Variants in WDR88 observed in about 807,000 individuals in gnomAD.
The protein encoded by WDR88 is WD repeat domain 88.
WDR88 carries 40 observed loss-of-function variants against 46.8 expected under a neutral mutation model. The observed-to-expected ratio is 0.86, with a 90% CI of 0.66 to 1.11. The LOEUF (loss-of-function observed/expected upper bound fraction) is 1.11, where lower values mean the gene tolerates loss of function less well. WDR88 is among the 50% of genes most tolerant of loss of function. WDR88 has a pLI of 0.00. For missense variants in WDR88, 562 were observed against 602.4 expected (o/e 0.93, Z 0.70); for synonymous variants, 235 against 240.7 (o/e 0.98, Z 0.22).
intron 2 of WDR88, among the ~76,000 whole-genome samples, chr19:33,141,724 A>G (rs2145370155): frequency 6.6e-6 from 1 of 152,290 alleles, no homozygotes; most frequent in South Asian, 2.1e-4. Context: ...CTTGTTGCTC[A>G]GGCTGGAGTG....
At chr19:33,140,935 AT>A (rs576514149) in intron 2 of WDR88, among the ~76,000 whole-genome samples, 37,275 of 126,420 alleles carry the variant, frequency 0.29, 4,650 homozygotes, top group African/African-American at 0.43. Context: ...CCAAACTTAC[AT>A]TTTTTTTTTT....
chr19:33,141,427 C>T (rs1973393181), intron 2 of WDR88, among the ~76,000 whole-genome samples: 1 of 151,766 alleles, frequency 6.6e-6, no homozygotes, highest in African/African-American at 2.4e-5. Context: ...ATGGGATCTC[C>T]CTGTGTTGCC....
intron 9 of WDR88, among the ~76,000 whole-genome samples, chr19:33,165,635 G>A (rs976563813): frequency 6.6e-5 from 10 of 152,194 alleles, no homozygotes; most frequent in Non-Finnish European, 1.2e-4. Context: ...GCTCACGCCT[G>A]TAATCCCAGC....
At chr19:33,170,797 G>A (rs1007543884) in intron 9 of WDR88, among the ~76,000 whole-genome samples, 1 of 152,148 alleles carries the variant, frequency 6.6e-6, no homozygotes, top group African/African-American at 2.4e-5. Flanking sequence ...GCGAAGCGGA[G>A]GTTGTAGTGA....
chr19:33,163,743 C>T (rs1393294241), intron 8 of WDR88, among the ~76,000 whole-genome samples: 1 of 151,556 alleles, frequency 6.6e-6, no homozygotes, highest in African/African-American at 2.4e-5. Context: ...GGTGACTCTC[C>T]CACCTTAGCC....
chr19:33,174,132 G>A (rs79215236), intron 10 of WDR88: 181,365 of 1,533,002 alleles, frequency 0.12, 14,720 homozygotes, highest in Admixed American at 0.35. Context: ...GACTACAGGC[G>A]CAAGCTATCC....
chr19:33,132,320 C>T lies in WDR88; in HGVS notation c.151C>T (p.His51Tyr), dbSNP rs201338259. ...ALGRFKLSIPHTHLLATLDPL... is the reference protein window; with the variant it reads ...ALGRFKLSIPYTHLLATLDPL... ...AGGCCGCTTCAAGCTGTCGATCCCG[C>T]ACACGCACCTGCTGGCCACCCTCGA... The change falls in exon 1 of 11, where the codon CAC becomes TAC. Residue 51 changes from histidine (H) to tyrosine (Y), a missense_variant. His to Tyr is a moderately conservative substitution (Grantham distance 83, BLOSUM62 2). Coordinates refer to ENST00000355868, the MANE Select transcript of WDR88 (RefSeq NM_173479.4). The T allele has an allele frequency of 5.0e-6, 8 of 1,614,096 alleles. No individual in the cohort carries two copies. Among genetic ancestry groups the T allele is most frequent in the East Asian group, 2.2e-5 (1 of 44,888 alleles).
chr19:33,140,738 C>T (rs1292891575), intron 2 of WDR88, among the ~76,000 whole-genome samples: 3 of 151,686 alleles, frequency 2.0e-5, no homozygotes, highest in Non-Finnish European at 4.4e-5. Context: ...TGCAGTGAGC[C>T]GAGATCGCAC....
chr19:33,151,363 C>T, intron 6 of WDR88, 53 bp downstream of exon 6: 1 of 1,583,980 alleles, frequency 6.3e-7, no homozygotes, highest in Non-Finnish European at 8.6e-7. Flanking sequence ...CGTCCCCATT[C>T]ATGACTTCCT....
At chr19:33,147,077 G>C (rs536382350) in intron 3 of WDR88, among the ~76,000 whole-genome samples, 64 of 150,950 alleles carry the variant, frequency 4.2e-4, no homozygotes, top group African/African-American at 1.4e-3. Context: ...AAAAAAGAGA[G>C]AGAGAAAAAA....
At chr19:33,173,903 T>G (rs1414524591) in intron 10 of WDR88, among the ~76,000 whole-genome samples, 1 of 152,304 alleles carries the variant, frequency 6.6e-6, no homozygotes, top group East Asian at 1.9e-4. Context: ...CAGGCTGGAG[T>G]GCAGTGGCGC....
intron 2 of WDR88, among the ~76,000 whole-genome samples, chr19:33,141,227 G>GTTTTTGTTT (rs1555724350): frequency 2.6e-5 from 3 of 113,430 alleles, no homozygotes; most frequent in African/African-American, 1.2e-4. Flanking sequence ...GTGGGAGCAT[G>GTTTTTGTTT]TTTTTTTTTT....
At chr19:33,168,370 A>C (rs1414693780) in intron 9 of WDR88, among the ~76,000 whole-genome samples, 1 of 152,182 alleles carries the variant, frequency 6.6e-6, no homozygotes, top group East Asian at 1.9e-4. Flanking sequence ...TAAATATAGA[A>C]AATCCCAAAG....
chr19:33,175,482 TA>T lies in WDR88; in HGVS notation c.1330del (p.Thr444GlnfsTer36). 6.2e-7 allele frequency: 1 copy of T among 1,614,188 alleles called. No homozygotes were observed. Among genetic ancestry groups the T allele is most frequent in the Non-Finnish European group, 8.5e-7 (1 of 1,180,036 alleles). On this transcript the variant is annotated frameshift_variant, in exon 11 of 11. Transcript: ENST00000355868. LOFTEE classifies it low-confidence loss of function (END_TRUNC). ...CCCAATGCGTGTTCTGCCGGATAGA[TA>T]CAAGGGGCTTGCCAGCAGATACTTC... is the stretch of plus-strand genomic sequence containing the variant. ...FTQCVFCRIDTRGLPADTSSS... is the reference protein window; with the variant it reads ...FTQCVFCRIDXRGLPADTSSS...
chr19:33,168,755 G>A (rs1477801480), intron 9 of WDR88, among the ~76,000 whole-genome samples: 1 of 151,966 alleles, frequency 6.6e-6, no homozygotes, highest in Non-Finnish European at 1.5e-5. Flanking sequence ...AAATTGCAAG[G>A]GGCCCCGAAT....
intron 7 of WDR88, among the ~76,000 whole-genome samples, chr19:33,157,601 ATGTATATATATG>A (rs1973768484): frequency 6.9e-6 from 1 of 144,260 alleles, no homozygotes; most frequent in African/African-American, 2.5e-5. Flanking sequence ...ATGTGTATAT[ATGTATATATATG>A]TGTATATATA....
At chr19:33,148,939 C>T (rs758484222) in intron 5 of WDR88, 29 bp downstream of exon 5, 6 of 1,613,422 alleles carry the variant, frequency 3.7e-6, no homozygotes, top group Middle Eastern at 1.7e-4. Context: ...CCTGTATCTT[C>T]AGTCTGCCAT....
rs368966828 is a variant in WDR88, at chr19:33,157,699, A to G, written c.997+1157A>G. Among the ~76,000 whole-genome samples the G allele has an allele frequency of 1.2e-3, 7 of 5,698 alleles. No individual in the cohort carries two copies. The South Asian group carries it at 0.013, about 11-fold the overall frequency. The allele number at this position is 5,698 out of a possible 152,430, so 3.7% of individuals were successfully genotyped here. A position where few individuals can be genotyped will look rare whatever the true frequency, so the allele number is the denominator to read the frequency against. On this transcript the variant is annotated intron_variant, in intron 7 of 10. Transcript: ENST00000355868. The stretch of plus-strand genomic sequence containing the variant: ...TGTGTGTATGTATGTATATATATAT[A>G]TATATATATATATATATATATATAT...
chr19:33,166,282 C>CAAAAA (rs34053341), intron 9 of WDR88, among the ~76,000 whole-genome samples: 16 of 55,540 alleles, frequency 2.9e-4, no homozygotes, highest in African/African-American at 5.9e-4. Context: ...GTTGTGGTCT[C>CAAAAA]AAAAAAAAAA....
Sources: allele counts gnomAD v4.1 joint callset (sites outside exome capture counted in the v4.1 genomes callset), GRCh38; gene constraint gnomAD v4.1.1; transcripts MANE v1.5; gene names NCBI Gene and HGNC (gene_info 2026-07-23, HGNC 2026-07-21).